The following SHISA9 variants were observed in gnomAD, a reference collection of about 807,000 sequenced individuals.
SHISA9 encodes shisa family member 9, also known as protein shisa-9.
A neutral mutation model predicts 38.0 loss-of-function variants in SHISA9; 13 were observed. The observed-to-expected ratio is 0.34, with a 90% CI of 0.22 to 0.54. SHISA9 has a LOEUF of 0.54. SHISA9 is among the 20% of genes least tolerant of loss of function. The pLI is 0.91. For missense variants in SHISA9, 538 were observed against 575.8 expected (o/e 0.93, Z 0.67); for synonymous variants, 275 against 242.0 (o/e 1.14, Z -1.27).
At chr16:13,429,147 G>A in the SHISA9 span, among the ~76,000 whole-genome samples, 1 of 152,152 alleles carries the variant, frequency 6.6e-6, no homozygotes. Context: ...ACTGAAGGTT[G>A]ATAGCAATAG....
chr16:13,028,812 A>C (rs2072956527), intron 2 of SHISA9, among the ~76,000 whole-genome samples: 1 of 152,144 alleles, frequency 6.6e-6, no homozygotes, highest in Non-Finnish European at 1.5e-5. Flanking sequence ...TGAATCAATC[A>C]CTGTGTCTGC....
chr16:13,085,978 G>A (rs1306599435), intron 2 of SHISA9, among the ~76,000 whole-genome samples: 1 of 151,970 alleles, frequency 6.6e-6, no homozygotes, highest in East Asian at 1.9e-4. Flanking sequence ...AAGAATGAGA[G>A]GCCATAATGA....
intron 2 of SHISA9, among the ~76,000 whole-genome samples, chr16:13,174,386 A>G (rs1596702484): frequency 6.6e-6 from 1 of 152,076 alleles, no homozygotes; most frequent in African/African-American, 2.4e-5. Flanking sequence ...GCTCCCTTTC[A>G]TCACTGTCAG....
At chr16:13,342,357 G>C in the SHISA9 span, among the ~76,000 whole-genome samples, 1 of 151,990 alleles carries the variant, frequency 6.6e-6, no homozygotes, top group African/African-American at 2.4e-5. Flanking sequence ...GTGCGATCTT[G>C]GTTCACTGCA....
At chr16:13,285,777 G>T in the SHISA9 span, among the ~76,000 whole-genome samples, 1 of 152,090 alleles carries the variant, frequency 6.6e-6, no homozygotes, top group Admixed American at 6.6e-5. Flanking sequence ...CCCACAAGGT[G>T]CTTGTTCTTT....
At chr16:12,956,943 C>G (rs1473266555) in intron 2 of SHISA9, among the ~76,000 whole-genome samples, 1 of 151,918 alleles carries the variant, frequency 6.6e-6, no homozygotes, top group African/African-American at 2.4e-5. Context: ...TGTTTATTAA[C>G]AATAATGTAT....
chr16:12,936,486 A>G (rs145187961), intron 2 of SHISA9, among the ~76,000 whole-genome samples: 7 of 152,322 alleles, frequency 4.6e-5, no homozygotes, highest in African/African-American at 1.7e-4. Flanking sequence ...GGGAAGAAAG[A>G]GAGAGAGTGT....
the SHISA9 span, among the ~76,000 whole-genome samples, chr16:13,469,320 G>GAGAAAAGAAAGAAAGAAAGAA: frequency 2.4e-4 from 15 of 61,576 alleles, no homozygotes; most frequent in Admixed American, 3.7e-4. Flanking sequence ...GAGAGAGAGA[G>GAGAAAAGAAAGAAAGAAAGAA]AGAAAGAAAG....
At chr16:13,346,616 T>C in the SHISA9 span, among the ~76,000 whole-genome samples, 1 of 152,208 alleles carries the variant, frequency 6.6e-6, no homozygotes, top group Non-Finnish European at 1.5e-5. Flanking sequence ...GGTGGAAGTC[T>C]CTTTTATTTT....
intron 2 of SHISA9, among the ~76,000 whole-genome samples, chr16:12,942,416 C>T (rs2071623277): frequency 6.6e-6 from 1 of 152,184 alleles, no homozygotes; most frequent in Admixed American, 6.5e-5. Context: ...CATTGCCTTT[C>T]TTCCAACTGC....
chr16:13,162,680 T>C (rs973309360), intron 2 of SHISA9, among the ~76,000 whole-genome samples: 2 of 152,162 alleles, frequency 1.3e-5, no homozygotes, highest in Non-Finnish European at 1.5e-5. Flanking sequence ...CCATTTTACA[T>C]AGTAGGTGCC....
intron 2 of SHISA9, among the ~76,000 whole-genome samples, chr16:13,140,975 A>G (rs1298702365): frequency 6.6e-6 from 1 of 152,182 alleles, no homozygotes; most frequent in Admixed American, 6.5e-5. Flanking sequence ...ACCTGGAGAA[A>G]TAGGACCAGA....
chr16:12,988,267 G>A (rs577145130), intron 2 of SHISA9, among the ~76,000 whole-genome samples: 6 of 152,218 alleles, frequency 3.9e-5, no homozygotes, highest in East Asian at 1.9e-4. Flanking sequence ...CTGTTGACAC[G>A]TCAATACGCT....
rs778698028 is a variant in SHISA9 at position 13,237,302 on chromosome 16, C to G, written c.*1893C>G. The G allele has an allele frequency of 6.6e-6, 1 of 152,174 alleles. No individual in the cohort carries two copies. Among genetic ancestry groups the G allele is most frequent in the Non-Finnish European group, 1.5e-5 (1 of 68,038 alleles). 9.4% of individuals were successfully genotyped at this position (152,174 alleles called of 1,614,324 possible). A position where few individuals can be genotyped will look rare whatever the true frequency, so the allele number is the denominator to read the frequency against. On this transcript the variant is annotated 3_prime_UTR_variant, in exon 5 of 5. Transcript: ENST00000558583. The stretch of plus-strand genomic sequence containing the variant: ...ATCCCTCTGGGCCTGAGTCTCCCAT[C>G]TGAAACATGGGGAATTGGGGTAGGT...
chr16:13,451,948 A>G, the SHISA9 span, among the ~76,000 whole-genome samples: 1 of 152,166 alleles, frequency 6.6e-6, no homozygotes, highest in African/African-American at 2.4e-5. Flanking sequence ...GGGAAGGGAG[A>G]AGGGGTACAG....
intron 2 of SHISA9, among the ~76,000 whole-genome samples, chr16:13,150,525 G>A (rs1017338288): frequency 1.3e-5 from 2 of 152,196 alleles, no homozygotes; most frequent in African/African-American, 2.4e-5. Context: ...CCAAGATAGT[G>A]AGATTATTCT....
At chr16:13,484,188 A>G in the SHISA9 span, among the ~76,000 whole-genome samples, 1 of 152,240 alleles carries the variant, frequency 6.6e-6, no homozygotes, top group Non-Finnish European at 1.5e-5. Context: ...ATTTGGTCAC[A>G]GAAGCCTTCC....
chr16:12,985,978 T>G (rs1234542482), intron 2 of SHISA9, among the ~76,000 whole-genome samples: 2 of 152,212 alleles, frequency 1.3e-5, no homozygotes. Context: ...GGGGCCGACT[T>G]ACACTCCAGA....
At chr16:13,399,315 G>A in the SHISA9 span, among the ~76,000 whole-genome samples, 6 of 151,564 alleles carry the variant, frequency 4.0e-5, no homozygotes, top group Non-Finnish European at 7.4e-5. Flanking sequence ...TTCCTTCTAA[G>A]TGTTCACAGT....
Sources: allele counts gnomAD v4.1 joint callset (sites outside exome capture counted in the v4.1 genomes callset), GRCh38; gene constraint gnomAD v4.1.1; transcripts MANE v1.5; gene names NCBI Gene and HGNC (gene_info 2026-07-23, HGNC 2026-07-21).